Variants in PER1 observed in about 807,000 individuals in gnomAD.
The protein encoded by PER1 is period circadian protein homolog 1.
PER1 carries 87 observed loss-of-function variants against 125.9 expected under a neutral mutation model. The ratio of observed to expected loss-of-function variants is 0.69; its 90% CI spans 0.58 to 0.83. The LOEUF (loss-of-function observed/expected upper bound fraction) is 0.83. Ranked by LOEUF, PER1 falls within the 40% of genes least tolerant of loss-of-function variation. The pLI, the probability that PER1 is intolerant of heterozygous loss-of-function variation, is 0.00. For missense variants in PER1, 1,775 were observed against 1,722.8 expected (o/e 1.03, Z -0.54); for synonymous variants, 801 against 714.7 (o/e 1.12, Z -1.93).
chr17:8,149,363 G>T, intron 6 of PER1, 53 bp from the exon 7 acceptor site: 2 of 1,608,544 alleles, frequency 1.2e-6, no homozygotes, highest in Non-Finnish European at 1.7e-6. Context: ...TCCCTAGGCT[G>T]CGAAGAATCC....
chr17:8,150,796 G>T lies in PER1; in HGVS notation c.-90C>A. 8.1e-7 allele frequency: 1 copy of T among 1,242,092 alleles called. No individual in the cohort carries two copies. Among genetic ancestry groups the T allele is most frequent in the Non-Finnish European group, 1.1e-6 (1 of 907,174 alleles). 76.9% of individuals were successfully genotyped at this position (1,242,092 alleles called of 1,614,324 possible). A position where few individuals can be genotyped will look rare whatever the true frequency, so the allele number is the denominator to read the frequency against. ...CTGGAGGCTTGGCTGAGGGAGTGAG[G>T]TGGAAGATCTAAGTCTCTGAGGGTT... On this transcript the variant is annotated 5_prime_UTR_variant, in exon 2 of 23. Coordinates refer to ENST00000317276, the MANE Select transcript of PER1 (RefSeq NM_002616.3).
At chr17:8,148,345 G>T in intron 8 of PER1, 86 bp from the exon 9 acceptor site, 2 of 1,158,484 alleles carry the variant, frequency 1.7e-6, no homozygotes, top group Non-Finnish European at 2.6e-6. Context: ...CAGGCTGGCT[G>T]ATGATCTGCC....
chr17:8,144,580 C>T, intron 18 of PER1, 171 bp downstream of exon 18: 2 of 852,158 alleles, frequency 2.3e-6, no homozygotes, highest in East Asian at 3.0e-5. Context: ...CCCGGAACCC[C>T]ATCCTAGTGG....
At position 8,143,888 on chromosome 17, in the gene PER1, G is replaced by T. The variant is rs553133648; in HGVS notation, c.2462-12C>A. Reference sequence around the variant, plus strand: ...GCCGTGGTGGCAGCCTGTGGGGAGAGACTAGGGTTAGCAAGGACCTCAACC... The same window carrying T: ...GCCGTGGTGGCAGCCTGTGGGGAGATACTAGGGTTAGCAAGGACCTCAACC... On this transcript the variant is annotated splice_polypyrimidine_tract_variant and intron_variant, in intron 18 of 22. Transcript: ENST00000317276. The T allele has an allele frequency of 6.2e-7, 1 of 1,600,198 alleles. No individual in the cohort carries two copies. The highest frequency in any genetic ancestry group is 1.1e-5 in the South Asian group (1 of 90,060).
At position 8,146,999 on chromosome 17, in the gene PER1, T is replaced by C; in HGVS notation, c.1633A>G (p.Thr545Ala). The C allele has an allele frequency of 4.3e-6, 7 of 1,612,806 alleles. No homozygotes were observed. In the South Asian group the frequency reaches 6.6e-5, roughly 15 times the overall value. Residue 545 changes from threonine (T) to alanine (A), a missense_variant, in exon 14 of 23, where the codon ACT (threonine) becomes GCT (alanine). Thr to Ala is a moderately conservative substitution (Grantham distance 58, BLOSUM62 0). Transcript: ENST00000317276. Reference protein sequence around the residue: ...AEGPGPPAPVTFQQICKDVHL... With the variant: ...AEGPGPPAPVAFQQICKDVHL... ...ACATCCTTACAGATCTGCTGGAAAG[T>C]CACCTGTGGGACACAGCACCACAGT...
In PER1 at chr17:8,148,838, C is replaced by T. The variant is rs553198790; in HGVS notation, c.906-52G>A. On this transcript the variant is annotated intron_variant, in intron 7 of 22. Transcript: ENST00000317276. ...GACTTTCAACAGAGAGCCACCCACT[C>T]CTCCAACAATAAGGTCACAGCAGAC... 1.1e-5 allele frequency: 17 copies of T among 1,599,834 alleles called. No homozygotes were observed. In the African/African-American group the frequency reaches 1.3e-4, roughly 13 times the overall value.
intron 1 of PER1, 30 bp from the exon 2 acceptor site, chr17:8,150,875 G>A (rs1207718580): frequency 8.1e-6 from 5 of 613,912 alleles, no homozygotes; most frequent in East Asian, 5.8e-5. Context: ...AGCAGGGCTT[G>A]CAGAAAGCTG....
At position 8,147,714 on chromosome 17, in the gene PER1, G is replaced by A. The variant is rs771047267; in HGVS notation, c.1348C>T (p.Arg450Cys). The part of the protein sequence containing the change: ...SWAGFVHPWS[R>C]KVAFVLGRHK... ...CGGCCCAACACGAAGGCTACCTTGC[G>A]GCTCCAGGGGTGCACAAAGCCAGCC... Residue 450 changes from arginine (R) to cysteine (C), a missense_variant, in exon 11 of 23, where the codon CGC becomes TGC. Arg to Cys is a radical substitution (Grantham distance 180). Coordinates refer to ENST00000317276, the MANE Select transcript of PER1 (RefSeq NM_002616.3). 36 of 1,613,972 alleles carry A rather than the reference G, an allele frequency of 2.2e-5. No individual in the cohort carries two copies. Among genetic ancestry groups the A allele is most frequent in the East Asian group, 2.0e-4 (9 of 44,890 alleles).
Position 8,146,785 on chromosome 17 carries a change from AG to A in PER1, c.1736-21del, listed in dbSNP as rs758610821. On this transcript the variant is annotated intron_variant, in intron 14 of 22. Coordinates refer to ENST00000317276, the MANE Select transcript of PER1 (RefSeq NM_002616.3). ...CTGTAGCTGGGGCAAAGAGAGAAAG[AG>A]GAAAATAGCCTTCTCAAGCTCACAT... 3.1e-6 allele frequency: 5 copies of A among 1,607,814 alleles called. No homozygotes were observed. The African/African-American group carries it at 4.0e-5, about 13-fold the overall frequency.
At position 8,140,655 on chromosome 17, in the gene PER1, G is replaced by A. The variant is rs1427012059; in HGVS notation, c.*413C>T. 16 of 248,822 alleles carry A rather than the reference G, an allele frequency of 6.4e-5. No homozygotes were observed. The highest frequency in any genetic ancestry group is 1.0e-4 in the Non-Finnish European group (13 of 126,056). 15.4% of individuals were successfully genotyped at this position (248,822 alleles called of 1,614,324 possible). ...CTAGGGGCTGGAACCCCCGGGTCCT[G>A]CTTGGGCCTCAGGCTCTCCTCCCAT... is the stretch of plus-strand genomic sequence containing the variant. On this transcript the variant is annotated 3_prime_UTR_variant, in exon 23 of 23. Coordinates refer to ENST00000317276, the MANE Select transcript of PER1 (RefSeq NM_002616.3).
rs535359800 is a variant in PER1 at position 8,150,638 on chromosome 17, C to T, written c.69G>A (p.Gly23=). The part of the protein sequence containing the change: ...DPRPGESFCP[G]GVPSPGPPQH... Reference sequence around the variant, plus strand: ...GTGGGGGCCCAGGGGATGGGACGCCCCCAGGACAAAATGATTCCCCAGGCC... The same window carrying T: ...GTGGGGGCCCAGGGGATGGGACGCCTCCAGGACAAAATGATTCCCCAGGCC... Residue 23 remains glycine (G), a synonymous_variant, in exon 2 of 23, where the codon GGG becomes GGA. Coordinates refer to ENST00000317276, the MANE Select transcript of PER1 (RefSeq NM_002616.3). 6.2e-6 allele frequency: 10 copies of T among 1,609,758 alleles called. No homozygotes were observed. The highest frequency in any genetic ancestry group is 1.7e-4 in the Middle Eastern group (1 of 6,030).
chr17:8,144,497 G>T, intron 18 of PER1: 1 of 504,348 alleles, frequency 2.0e-6, no homozygotes, highest in South Asian at 3.2e-5. Context: ...GCCTGAAGTC[G>T]CTTACCTGGA....
chr17:8,149,726 C>G (rs199914207), intron 5 of PER1, 29 bp downstream of exon 5: 29 of 1,612,662 alleles, frequency 1.8e-5, no homozygotes, highest in East Asian at 4.5e-5. Context: ...AGGGGTGCGT[C>G]GGGATGCAGA....
In PER1 at chr17:8,144,824, G is replaced by A. The variant is rs369753708; in HGVS notation, c.2388C>T (p.Ser796=). ...GCAGCCTGCCCAGGTCTCGGAAGCG[G>A]CTGAGGAAGGCTTGCTCTTCCTTCT... ...HTQKEEQAFL[S]RFRDLGRLRG... The change falls in exon 18 of 23, where the codon AGC becomes AGT. Residue 796 remains serine, a synonymous_variant. Transcript: ENST00000317276. The A allele has an allele frequency of 2.5e-6, 4 of 1,585,120 alleles. No individual in the cohort carries two copies. The African/African-American group carries it at 4.0e-5, about 16-fold the overall frequency.
chr17:8,147,700 G>T lies in PER1; in HGVS notation c.1362C>A (p.Phe454Leu), dbSNP rs770181393. Reference sequence around the variant, plus strand: ...TGCGTACTTTGTGGCGGCCCAACACGAAGGCTACCTTGCGGCTCCAGGGGT... The same window carrying T: ...TGCGTACTTTGTGGCGGCCCAACACTAAGGCTACCTTGCGGCTCCAGGGGT... ...FVHPWSRKVAFVLGRHKVRTA... is the reference protein window; with the variant it reads ...FVHPWSRKVALVLGRHKVRTA... The change falls in exon 11 of 23, where the codon TTC becomes TTA. Residue 454 changes from phenylalanine to leucine, a missense_variant. By Grantham distance (22) the Phe-to-Leu change is conservative (BLOSUM62 0). Transcript: ENST00000317276. 1 of 1,613,898 alleles carries T rather than the reference G, an allele frequency of 6.2e-7. No homozygotes were observed. The highest frequency in any genetic ancestry group is 8.5e-7 in the Non-Finnish European group (1 of 1,180,026).
Position 8,142,352 on chromosome 17 carries a change from A to T in PER1, c.3366T>A (p.Ile1122=), listed in dbSNP as rs755852172. ...RGGAEPGDQV[I]KYVLQDPIWL... ...AAATGGGATCCTGGAGCACGTACTT[A>T]ATCACCTGGTCCCCAGGCTCAGCCC... Residue 1122 remains isoleucine, a synonymous_variant, in exon 21 of 23, where the codon ATT becomes ATA. Coordinates refer to ENST00000317276, the MANE Select transcript of PER1 (RefSeq NM_002616.3). The T allele has an allele frequency of 5.6e-6, 9 of 1,613,920 alleles. No individual in the cohort carries two copies. The highest frequency in any genetic ancestry group is 6.8e-6 in the Non-Finnish European group (8 of 1,179,950).
intron 13 of PER1, 31 bp from the exon 14 acceptor site, chr17:8,147,033 C>T (rs777694129): frequency 2.1e-5 from 33 of 1,576,410 alleles, no homozygotes; most frequent in Non-Finnish European, 2.9e-5. Context: ...GTGAGCAGAA[C>T]CAGGGGGTGT....
In PER1 at chr17:8,142,381, C is replaced by G. The variant is rs778020756; in HGVS notation, c.3337G>C (p.Gly1113Arg). ...ACCTGGTCCCCAGGCTCAGCCCCGC[C>G]CCGAGCAGCCCCAGCCTCAGCCTCG... ...SSEAEAGAAR[G>R]GAEPGDQVIK... Residue 1113 changes from glycine (G) to arginine (R), a missense_variant, in exon 21 of 23, where the codon GGC (glycine) becomes CGC (arginine). Physicochemically the swap from Gly to Arg is moderately radical, Grantham distance 125. Transcript: ENST00000317276. 2 of 1,613,258 alleles carry G rather than the reference C, an allele frequency of 1.2e-6. No individual in the cohort carries two copies. Among genetic ancestry groups the G allele is most frequent in the Non-Finnish European group, 1.7e-6 (2 of 1,179,736 alleles).
At chr17:8,149,234 GTCT>G in intron 7 of PER1, 22 bp downstream of exon 7, 2 of 1,599,454 alleles carry the variant, frequency 1.3e-6, no homozygotes, top group Non-Finnish European at 1.7e-6. Flanking sequence ...GGAGGCAGAG[GTCT>G]TCTCCAGTTC....
Sources: gnomAD v4.1 joint callset for allele counts on GRCh38, gnomAD v4.1.1 for gene constraint, MANE v1.5 for transcripts, NCBI Gene and HGNC (gene_info 2026-07-23, HGNC 2026-07-21) for gene names.